Variants in KCNAB1 observed in about 807,000 individuals in gnomAD.
KCNAB1 encodes the protein voltage-gated potassium channel subunit beta-1.
A neutral mutation model predicts 64.6 loss-of-function variants in KCNAB1; 35 were observed. The ratio of observed to expected loss-of-function variants is 0.54; its 90% CI spans 0.41 to 0.72. KCNAB1 has a LOEUF of 0.72. KCNAB1 is among the 30% of genes least tolerant of loss of function. The probability of loss-of-function intolerance (pLI) is 0.00; values close to 1 mark genes in which losing one functional copy is unlikely to be tolerated. For synonymous variants in KCNAB1, 177 were observed against 183.8 expected (o/e 0.96, Z 0.30); for missense variants, 401 against 512.9 (o/e 0.78, Z 2.11).
chr3:156,514,398 A>C lies in KCNAB1; in HGVS notation c.693A>C (p.Gln231His). 1 of 1,614,134 alleles carries C rather than the reference A, an allele frequency of 6.2e-7. No homozygotes were observed. The highest frequency in any genetic ancestry group is 1.3e-5 in the African/African-American group (1 of 75,056). ...IVRAMTHVIN[Q>H]GMAMYWGTSR... ...GAGCCATGACACATGTGATAAACCA[A>C]GGCATGGCGATGTACTGGGGCACCT... Residue 231 changes from glutamine (Q) to histidine (H), a missense_variant, in exon 9 of 14, where the codon CAA (glutamine) becomes CAC (histidine). Transcript: ENST00000490337.
chr3:156,269,729 C>A (rs528307614), intron 1 of KCNAB1, among the ~76,000 whole-genome samples: 381 of 151,962 alleles, frequency 2.5e-3, no homozygotes, highest in Non-Finnish European at 4.4e-3. Context: ...ATGTAATGAC[C>A]TTTGTCTCTT....
chr3:156,182,848 G>C (rs186618426), intron 1 of KCNAB1, among the ~76,000 whole-genome samples: 1 of 151,846 alleles, frequency 6.6e-6, no homozygotes, highest in African/African-American at 2.4e-5. Context: ...ACAGGCGCCC[G>C]CCACTATGCC....
intron 2 of KCNAB1, among the ~76,000 whole-genome samples, chr3:156,427,499 A>G (rs1221709422): frequency 6.6e-6 from 1 of 152,230 alleles, no homozygotes; most frequent in Non-Finnish European, 1.5e-5. Flanking sequence ...AGCAGATCAC[A>G]GTATCTGGCT....
In KCNAB1 at chr3:156,195,646, C is replaced by T. The variant is rs578183491; in HGVS notation, c.275+74760C>T. Among the ~76,000 whole-genome samples the T allele has an allele frequency of 4.6e-5, 7 of 152,130 alleles. 1 individual carries two copies. In the Middle Eastern group the frequency reaches 0.01, roughly 222 times the overall value. ...TTTGGATGGGGTTGTTTGATTTTTT[C>T]TTGTAAATTTGTTTAAGTTCTTTGT... On this transcript the variant is annotated intron_variant, in intron 1 of 13. Coordinates refer to ENST00000490337, the MANE Select transcript of KCNAB1 (RefSeq NM_172160.3).
intron 1 of KCNAB1, among the ~76,000 whole-genome samples, chr3:156,203,846 T>G (rs1714490030): frequency 6.6e-6 from 1 of 152,252 alleles, no homozygotes; most frequent in Admixed American, 6.5e-5. Context: ...TACTCTGTCT[T>G]TTCAGCAAGT....
At chr3:156,470,260 A>T (rs538212245) in intron 7 of KCNAB1, among the ~76,000 whole-genome samples, 1 of 152,376 alleles carries the variant, frequency 6.6e-6, no homozygotes, top group South Asian at 2.1e-4. Flanking sequence ...TTAGAATCAC[A>T]AAGTCCCCTC....
At chr3:156,431,972 C>A (rs1336296854) in intron 2 of KCNAB1, among the ~76,000 whole-genome samples, 1 of 152,160 alleles carries the variant, frequency 6.6e-6, no homozygotes, top group Non-Finnish European at 1.5e-5. Flanking sequence ...CAAGACCCAC[C>A]CTGACACTGG....
chr3:156,457,379 G>A (rs2293195), intron 3 of KCNAB1, 74 bp from the exon 4 acceptor site: 778,297 of 1,601,934 alleles, frequency 0.49, 191,493 homozygotes, highest in South Asian at 0.56. Flanking sequence ...CTAAAGACCG[G>A]TAGAGGACTC....
intron 1 of KCNAB1, among the ~76,000 whole-genome samples, chr3:156,357,159 GCACACACACA>G (rs112441885): frequency 2.8e-4 from 42 of 147,404 alleles, no homozygotes; most frequent in African/African-American, 9.4e-4. Flanking sequence ...ACATGTGCGC[GCACACACACA>G]CACACACACA....
chr3:156,479,546 G>A (rs1325190263), intron 8 of KCNAB1, among the ~76,000 whole-genome samples: 2 of 152,130 alleles, frequency 1.3e-5, no homozygotes, highest in East Asian at 1.9e-4. Context: ...GAAGGTATAA[G>A]CCTGTACCAC....
chr3:156,402,229 T>C (rs1394902579), intron 1 of KCNAB1, among the ~76,000 whole-genome samples: 1 of 152,060 alleles, frequency 6.6e-6, no homozygotes, highest in East Asian at 1.9e-4. Flanking sequence ...TCTTAGCGTT[T>C]CATAATCCTT....
chr3:156,176,513 G>A, intron 1 of KCNAB1: 1 of 798,120 alleles, frequency 1.3e-6, no homozygotes, highest in Non-Finnish European at 2.3e-6. Context: ...CACAGCCACA[G>A]TTTTATCTGT....
intron 1 of KCNAB1, among the ~76,000 whole-genome samples, chr3:156,404,914 AGAAAG>A (rs1714147260): frequency 6.6e-6 from 1 of 152,224 alleles, no homozygotes; most frequent in Non-Finnish European, 1.5e-5. Context: ...GAAAATGAAA[AGAAAG>A]GAAGGTATCA....
At chr3:156,193,536 T>C (rs530383659) in intron 1 of KCNAB1, among the ~76,000 whole-genome samples, 3 of 152,252 alleles carry the variant, frequency 2.0e-5, no homozygotes, top group Admixed American at 2.0e-4. Context: ...AGAGGTTTAA[T>C]GAGCTCACAG....
At chr3:156,223,986 G>C (rs1424404371) in intron 1 of KCNAB1, among the ~76,000 whole-genome samples, 1 of 152,252 alleles carries the variant, frequency 6.6e-6, no homozygotes, top group Non-Finnish European at 1.5e-5. Context: ...GGAGGCTCAG[G>C]CCGCGCAGGA....
At chr3:156,365,921 TAA>T (rs1377526807) in intron 1 of KCNAB1, among the ~76,000 whole-genome samples, 1 of 152,166 alleles carries the variant, frequency 6.6e-6, no homozygotes, top group African/African-American at 2.4e-5. Flanking sequence ...GTCTAAGAGG[TAA>T]AGACTGTGGC....
At chr3:156,519,383 T>A (rs978159157) in intron 11 of KCNAB1, among the ~76,000 whole-genome samples, 1 of 152,226 alleles carries the variant, frequency 6.6e-6, no homozygotes, top group African/African-American at 2.4e-5. Context: ...TCATTTTCCA[T>A]GCAAATGCAC....
At chr3:156,406,961 C>A (rs1449074416) in intron 1 of KCNAB1, among the ~76,000 whole-genome samples, 3 of 152,184 alleles carry the variant, frequency 2.0e-5, no homozygotes, top group African/African-American at 7.2e-5. Context: ...GTGAAGGTTA[C>A]CTAACCTAAT....
At chr3:156,390,992 A>G (rs368978556) in intron 1 of KCNAB1, among the ~76,000 whole-genome samples, 8 of 152,194 alleles carry the variant, frequency 5.3e-5, no homozygotes, top group East Asian at 1.9e-4. Context: ...GGGGAGTGTC[A>G]TTAAGTCAGA....
Sources: gnomAD v4.1 joint callset for allele counts (sites outside exome capture counted in the v4.1 genomes callset) on GRCh38, gnomAD v4.1.1 for gene constraint, MANE v1.5 for transcripts, NCBI Gene and HGNC (gene_info 2026-07-23, HGNC 2026-07-21) for gene names.